Variants in LPIN2 observed in about 807,000 individuals in gnomAD.
LPIN2 encodes phosphatidate phosphatase LPIN2.
Under a neutral mutation model 111.4 loss-of-function variants are expected in LPIN2, and 55 were observed. The observed-to-expected ratio is 0.49, with a 90% CI of 0.40 to 0.62. The LOEUF is 0.62. LPIN2 is among the 20% of genes least tolerant of loss of function. The probability of loss-of-function intolerance (pLI) is 0.00; values close to 1 mark genes in which losing one functional copy is unlikely to be tolerated. For missense variants in LPIN2, 992 were observed against 1,112.1 expected (o/e 0.89, Z 1.54); for synonymous variants, 425 against 414.0 (o/e 1.03, Z -0.32).
chr18:2,962,713 G>A (rs2077731871), intron 1 of LPIN2, among the ~76,000 whole-genome samples: 1 of 151,984 alleles, frequency 6.6e-6, no homozygotes, highest in Non-Finnish European at 1.5e-5. Context: ...TTCACAACAT[G>A]CTTTTTACCT....
At chr18:2,983,658 T>C (rs1389493981) in intron 1 of LPIN2, among the ~76,000 whole-genome samples, 1 of 152,072 alleles carries the variant, frequency 6.6e-6, no homozygotes, top group African/African-American at 2.4e-5. Context: ...GCTCCAAGTG[T>C]AAAATACACA....
chr18:3,005,372 AAAAG>A (rs941438642), intron 1 of LPIN2, among the ~76,000 whole-genome samples: 1 of 151,862 alleles, frequency 6.6e-6, no homozygotes, highest in African/African-American at 2.4e-5. Flanking sequence ...AAGAAAAAGA[AAAAG>A]AAAAGAAAAG....
At chr18:2,955,124 C>T (rs2077589283) in intron 2 of LPIN2, among the ~76,000 whole-genome samples, 1 of 152,000 alleles carries the variant, frequency 6.6e-6, no homozygotes, top group South Asian at 2.1e-4. Flanking sequence ...CCAGGTGAAA[C>T]GATGGGATAA....
intron 8 of LPIN2, among the ~76,000 whole-genome samples, chr18:2,931,936 C>T (rs1435972049): frequency 6.6e-6 from 1 of 152,076 alleles, no homozygotes; most frequent in East Asian, 1.9e-4. Context: ...TCTAAGTTCG[C>T]CTATTACCTC....
chr18:2,985,329 A>T (rs754362300), intron 1 of LPIN2: 1 of 152,214 alleles, frequency 6.6e-6, no homozygotes, highest in Non-Finnish European at 1.5e-5. Context: ...AATCATCCCT[A>T]TGATTTTCAA....
At chr18:3,005,676 TAC>T (rs34050872) in intron 1 of LPIN2, among the ~76,000 whole-genome samples, 89,067 of 146,784 alleles carry the variant, frequency 0.61, 27,120 homozygotes, top group Non-Finnish European at 0.66. Context: ...GACACTATCT[TAC>T]ACACACACAC....
chr18:3,000,645 AG>A (rs2078420919), intron 1 of LPIN2, among the ~76,000 whole-genome samples: 1 of 152,178 alleles, frequency 6.6e-6, no homozygotes, highest in Non-Finnish European at 1.5e-5. Flanking sequence ...CTGTGGGGAG[AG>A]GCCTCACCAG....
intron 1 of LPIN2, among the ~76,000 whole-genome samples, chr18:3,003,623 C>A (rs1407708236): frequency 6.6e-6 from 1 of 152,174 alleles, no homozygotes; most frequent in Admixed American, 6.5e-5. Flanking sequence ...CCCTAATAAT[C>A]ATCTTATAAT....
At chr18:2,989,028 A>G (rs1230796523) in intron 1 of LPIN2, among the ~76,000 whole-genome samples, 1 of 152,174 alleles carries the variant, frequency 6.6e-6, no homozygotes, top group African/African-American at 2.4e-5. Context: ...GCCAAGCACT[A>G]TTTATTTAGT....
chr18:2,990,448 T>A (rs544221440), intron 1 of LPIN2, among the ~76,000 whole-genome samples: 2 of 152,138 alleles, frequency 1.3e-5, no homozygotes, highest in African/African-American at 4.8e-5. Flanking sequence ...AAAAGACAAA[T>A]GATTCAATTA....
At chr18:2,936,960 G>A (rs1340471540) in intron 7 of LPIN2, among the ~76,000 whole-genome samples, 2 of 152,124 alleles carry the variant, frequency 1.3e-5, no homozygotes, top group African/African-American at 4.8e-5. Context: ...ATTTTTATCT[G>A]ATATTACTGC....
chr18:2,949,861 G>C (rs1474501552), intron 4 of LPIN2, among the ~76,000 whole-genome samples: 1 of 152,156 alleles, frequency 6.6e-6, no homozygotes, highest in Non-Finnish European at 1.5e-5. Flanking sequence ...CACTTTGGGA[G>C]GCTGAGGCGG....
At chr18:2,922,311 G>A (rs1283329609) in intron 16 of LPIN2, 112 bp from the exon 17 acceptor site, 51 of 1,271,898 alleles carry the variant, frequency 4.0e-5, no homozygotes, top group Non-Finnish European at 5.3e-5. Context: ...GTCTCACTCT[G>A]TTACCCAGGC....
At chr18:2,980,111 C>A (rs924000381) in intron 1 of LPIN2, among the ~76,000 whole-genome samples, 1 of 152,172 alleles carries the variant, frequency 6.6e-6, no homozygotes, top group African/African-American at 2.4e-5. Flanking sequence ...GGAGCTAAAA[C>A]ATGGCTTGAA....
Position 2,920,348 on chromosome 18 carries a change from G to T in LPIN2, c.2636C>A (p.Ser879Tyr), listed in dbSNP as rs778668212. The change falls in exon 20 of 20, where the codon TCC (serine) becomes TAC (tyrosine). Residue 879 changes from serine (S) to tyrosine (Y), a missense_variant. Ser to Tyr is a moderately radical substitution (Grantham distance 144). Coordinates refer to ENST00000677752, the MANE Select transcript of LPIN2 (RefSeq NM_001375808.2). ...GATCGGGTCTCGCCAGTAGCAGAAGGAGCTGAACTCCGGGCAGGGAAAAGC... is the reference window on the plus strand; with the variant it reads ...GATCGGGTCTCGCCAGTAGCAGAAGTAGCTGAACTCCGGGCAGGGAAAAGC... The part of the protein sequence containing the change: ...NSAFPCPEFS[S>Y]FCYWRDPIPE... 3 of 1,614,158 alleles carry T rather than the reference G, an allele frequency of 1.9e-6. No homozygotes were observed. In the South Asian group the frequency reaches 3.3e-5, roughly 18 times the overall value.
chr18:2,947,555 A>G (rs1334345551), intron 4 of LPIN2, among the ~76,000 whole-genome samples: 1 of 152,204 alleles, frequency 6.6e-6, no homozygotes, highest in Non-Finnish European at 1.5e-5. Context: ...TTAAAGAATG[A>G]TTCCCTCTTC....
chr18:2,920,964 C>T, intron 18 of LPIN2, 83 bp from the exon 19 acceptor site: 2 of 923,654 alleles, frequency 2.2e-6, no homozygotes, highest in Admixed American at 3.4e-5. Flanking sequence ...GCCAGAAGCA[C>T]TGCACAGACA....
intron 2 of LPIN2, among the ~76,000 whole-genome samples, chr18:2,959,732 CA>C (rs1384638428): frequency 6.6e-6 from 1 of 152,182 alleles, no homozygotes; most frequent in African/African-American, 2.4e-5. Flanking sequence ...AAAAGTCAAC[CA>C]GCCTATGGTC....
intron 1 of LPIN2, among the ~76,000 whole-genome samples, chr18:2,976,403 AG>A (rs1055434094): frequency 6.6e-6 from 1 of 152,212 alleles, no homozygotes; most frequent in African/African-American, 2.4e-5. Context: ...CTGGGGTTGA[AG>A]GGTTTCTTAT....
Sources: gnomAD v4.1 joint callset for allele counts (sites outside exome capture counted in the v4.1 genomes callset) on GRCh38, gnomAD v4.1.1 for gene constraint, MANE v1.5 for transcripts, NCBI Gene and HGNC (gene_info 2026-07-23, HGNC 2026-07-21) for gene names.